The following PSMA8 variants were observed in gnomAD, a reference collection of about 807,000 sequenced individuals.
The protein encoded by PSMA8 is proteasome 20S subunit alpha 8, also known as proteasome subunit alpha-type 8.
A neutral mutation model predicts 32.4 loss-of-function variants in PSMA8; 18 were observed. The observed-to-expected ratio is 0.56, with a 90% CI of 0.38 to 0.82. PSMA8 has a LOEUF of 0.82. Ranked by LOEUF, PSMA8 falls within the 40% of genes least tolerant of loss-of-function variation. The pLI is 0.00. For synonymous variants in PSMA8, 104 were observed against 98.1 expected (o/e 1.06, Z -0.36); for missense variants, 298 against 300.7 (o/e 0.99, Z 0.07).
chr18:26,153,857 A>G (rs1173566836), intron 3 of PSMA8, among the ~76,000 whole-genome samples: 3 of 152,062 alleles, frequency 2.0e-5, no homozygotes, highest in Non-Finnish European at 4.4e-5. Flanking sequence ...TTAGGTTTTT[A>G]GAACACTTTT....
Position 26,134,006 on chromosome 18 carries a change from C to T in PSMA8, c.41C>T (p.Pro14Leu). Residue 14 changes from proline (P) to leucine (L), a missense_variant, in exon 1 of 7, where the codon CCA (proline) becomes CTA (leucine). By Grantham distance (98) the Pro-to-Leu change is moderately conservative. Coordinates refer to ENST00000415576, the MANE Select transcript of PSMA8 (RefSeq NM_001025096.2). Reference sequence around the variant, plus strand: ...GACAGGGCGATCACTGTCTTCTCCCCAGACGGACACCTTTTTCAAGTTGAA... The same window carrying T: ...GACAGGGCGATCACTGTCTTCTCCCTAGACGGACACCTTTTTCAAGTTGAA... The part of the protein sequence containing the change: ...RYDRAITVFS[P>L]DGHLFQVEYA... The T allele has an allele frequency of 6.2e-7, 1 of 1,614,122 alleles. No homozygotes were observed. Among genetic ancestry groups the T allele is most frequent in the Non-Finnish European group, 8.5e-7 (1 of 1,179,994 alleles).
chr18:26,138,084 G>C (rs1263582284), intron 1 of PSMA8, among the ~76,000 whole-genome samples: 1 of 152,176 alleles, frequency 6.6e-6, no homozygotes, highest in East Asian at 1.9e-4. Flanking sequence ...CCAGATCATG[G>C]AATGCCATTA....
intron 6 of PSMA8, among the ~76,000 whole-genome samples, chr18:26,186,412 C>T (rs929631095): frequency 1.3e-5 from 2 of 151,878 alleles, no homozygotes; most frequent in African/African-American, 4.8e-5. Context: ...ATGATGAGTA[C>T]TGTATTATTA....
At chr18:26,190,815 C>A (rs1319830247) in intron 6 of PSMA8, among the ~76,000 whole-genome samples, 1 of 152,166 alleles carries the variant, frequency 6.6e-6, no homozygotes, top group Non-Finnish European at 1.5e-5. Flanking sequence ...CCAAGTAATA[C>A]CACATCACTT....
intron 1 of PSMA8, among the ~76,000 whole-genome samples, chr18:26,134,449 T>C (rs886379032): frequency 1.3e-5 from 2 of 151,940 alleles, no homozygotes; most frequent in African/African-American, 4.8e-5. Flanking sequence ...AGCCTACCTA[T>C]TGAACGCTCG....
At chr18:26,134,117 C>T (rs369446908) in intron 1 of PSMA8, 50 bp downstream of exon 1, 5 of 1,352,906 alleles carry the variant, frequency 3.7e-6, no homozygotes, top group Non-Finnish European at 5.3e-6. Flanking sequence ...CCTGTCAGGC[C>T]ATCGTTACCC....
At chr18:26,168,491 T>G (rs1273207053) in intron 4 of PSMA8, among the ~76,000 whole-genome samples, 7 of 125,536 alleles carry the variant, frequency 5.6e-5, no homozygotes, top group Non-Finnish European at 9.2e-5. Context: ...TCCCCTTGTT[T>G]TTTTTTTTTT....
intron 1 of PSMA8, among the ~76,000 whole-genome samples, chr18:26,139,889 C>T (rs987921676): frequency 6.6e-6 from 1 of 152,174 alleles, no homozygotes; most frequent in Non-Finnish European, 1.5e-5. Context: ...TCTGTCTGTT[C>T]GTTGAACTTC....
In PSMA8 at chr18:26,161,380, C is replaced by G. The variant is rs139348157; in HGVS notation, c.477+3136C>G. On this transcript the variant is annotated intron_variant, in intron 4 of 6. Coordinates refer to ENST00000415576, the MANE Select transcript of PSMA8 (RefSeq NM_001025096.2). ...GGATCTTATAGAACAGAACCCTATC[C>G]CTGTAAGATGTCACACAGCTACTGC... 6.1e-3 allele frequency among the ~76,000 whole-genome samples: 924 copies of G among 152,242 alleles called. 4 individuals are homozygous for G. The highest frequency in any genetic ancestry group is 9.4e-3 in the Non-Finnish European group (636 of 68,012).
chr18:26,145,466 C>G (rs1250455702), intron 2 of PSMA8, among the ~76,000 whole-genome samples: 1 of 152,146 alleles, frequency 6.6e-6, no homozygotes, highest in Admixed American at 6.5e-5. Flanking sequence ...TTCATGTAGT[C>G]ATCACCACAC....
At chr18:26,176,062 A>G (rs2055261247) in intron 4 of PSMA8, among the ~76,000 whole-genome samples, 1 of 149,696 alleles carries the variant, frequency 6.7e-6, no homozygotes, top group African/African-American at 2.4e-5. Context: ...TAATCTGAGG[A>G]GGCAGGTAGG....
intron 4 of PSMA8, among the ~76,000 whole-genome samples, chr18:26,169,222 C>G (rs2055202883): frequency 7.6e-6 from 1 of 131,964 alleles, no homozygotes; most frequent in Non-Finnish European, 1.5e-5. Flanking sequence ...CCTGCCTTAG[C>G]CTCCCAAAGC....
intron 6 of PSMA8, among the ~76,000 whole-genome samples, chr18:26,188,382 G>A (rs994707953): frequency 2.0e-5 from 3 of 150,072 alleles, no homozygotes; most frequent in Non-Finnish European, 4.4e-5. Flanking sequence ...TTCATGGATT[G>A]GAAGAATCAA....
In PSMA8 at chr18:26,193,306, A is replaced by G. The variant is rs1401922358; in HGVS notation, c.*895A>G. 7.9e-5 allele frequency: 12 copies of G among 152,206 alleles called. No individual in the cohort carries two copies. The highest frequency in any genetic ancestry group is 7.3e-5 in the Non-Finnish European group (5 of 68,034). 9.4% of individuals were successfully genotyped at this position (152,206 alleles called of 1,614,324 possible). A position where few individuals can be genotyped will look rare whatever the true frequency, so the allele number is the denominator to read the frequency against. ...AATGGTCCACAAGAGGAATGTGCTT[A>G]ATTCCTACAGTGAGTTTATATTTTT... On this transcript the variant is annotated 3_prime_UTR_variant, in exon 7 of 7. Transcript: ENST00000415576.
chr18:26,183,127 C>T (rs1007585182), intron 6 of PSMA8, among the ~76,000 whole-genome samples: 2 of 149,648 alleles, frequency 1.3e-5, no homozygotes, highest in African/African-American at 2.5e-5. Flanking sequence ...CGTGGTGGCT[C>T]ATGCTTGTAA....
chr18:26,191,920 T>G (rs374430671), intron 6 of PSMA8, among the ~76,000 whole-genome samples: 1 of 152,240 alleles, frequency 6.6e-6, no homozygotes, highest in South Asian at 2.1e-4. Context: ...CATTTCGCTA[T>G]TCTATAAACT....
intron 1 of PSMA8, among the ~76,000 whole-genome samples, chr18:26,144,158 C>G (rs994562264): frequency 6.6e-6 from 1 of 152,098 alleles, no homozygotes. Flanking sequence ...TTCATATGAA[C>G]CTAACTCCTG....
At chr18:26,140,332 A>G (rs929535173) in intron 1 of PSMA8, among the ~76,000 whole-genome samples, 3 of 152,222 alleles carry the variant, frequency 2.0e-5, no homozygotes, top group African/African-American at 7.2e-5. Context: ...GCTTGGATCC[A>G]TGGGGTCCAT....
At chr18:26,139,303 T>A (rs1309285737) in intron 1 of PSMA8, among the ~76,000 whole-genome samples, 1 of 152,186 alleles carries the variant, frequency 6.6e-6, no homozygotes, top group Non-Finnish European at 1.5e-5. Context: ...AGTAGGGAAC[T>A]GAGATCCTTA....
Sources: allele counts gnomAD v4.1 joint callset (sites outside exome capture counted in the v4.1 genomes callset), GRCh38; gene constraint gnomAD v4.1.1; transcripts MANE v1.5; gene names NCBI Gene and HGNC (gene_info 2026-07-23, HGNC 2026-07-21).